Variants in CMIP observed in about 807,000 individuals in gnomAD.
The protein encoded by CMIP is c-Maf inducing protein, also known as C-Maf-inducing protein.
In CMIP, 13 loss-of-function variants were observed where a neutral mutation model predicts 97.3. The observed-to-expected ratio is 0.13, with a 90% confidence interval of 0.09 to 0.21. CMIP has a LOEUF of 0.21. CMIP is among the 10% of genes least tolerant of loss of function. The probability of loss-of-function intolerance (pLI) is 1.00; values close to 1 mark genes in which losing one functional copy is unlikely to be tolerated. For synonymous variants in CMIP, 538 were observed against 436.3 expected (o/e 1.23, Z -2.91); for missense variants, 847 against 1,024.9 (o/e 0.83, Z 2.37).
intron 1 of CMIP, among the ~76,000 whole-genome samples, chr16:81,599,084 G>C (rs1221886637): frequency 6.6e-6 from 1 of 151,998 alleles, no homozygotes; most frequent in Non-Finnish European, 1.5e-5. Context: ...AGAATGGTTG[G>C]AGAAACCATA....
intron 1 of CMIP, among the ~76,000 whole-genome samples, chr16:81,530,020 G>T (rs1315610948): frequency 6.6e-6 from 1 of 152,208 alleles, no homozygotes; most frequent in Admixed American, 6.5e-5. Flanking sequence ...ACAGTGAGAG[G>T]ATAGGGTTTT....
rs1441975515 is a variant in CMIP, at chr16:81,629,077, A to G, written c.477+8151A>G. ...CTTGAACCCGGGAGGCGGAGGTTGCAGTGAGCCGAGATGGTGCCACTATAC... is the reference window on the plus strand; with the variant it reads ...CTTGAACCCGGGAGGCGGAGGTTGCGGTGAGCCGAGATGGTGCCACTATAC... On this transcript the variant is annotated intron_variant, in intron 3 of 20. Coordinates refer to ENST00000537098, the MANE Select transcript of CMIP (RefSeq NM_198390.3). 3.0e-5 allele frequency among the ~76,000 whole-genome samples: 4 copies of G among 131,184 alleles called. No individual in the cohort carries two copies. In the Admixed American group the frequency reaches 3.7e-4, roughly 12 times the overall value. 86.1% of individuals were successfully genotyped at this position (131,184 alleles called of 152,430 possible). A position where few individuals can be genotyped will look rare whatever the true frequency, so the allele number is the denominator to read the frequency against.
intron 1 of CMIP, among the ~76,000 whole-genome samples, chr16:81,601,966 G>A (rs2091665568): frequency 6.6e-6 from 1 of 152,178 alleles, no homozygotes; most frequent in Non-Finnish European, 1.5e-5. Flanking sequence ...AGAGCAATTT[G>A]GCAACAACGT....
chr16:81,577,510 AC>A (rs907834022), intron 1 of CMIP, among the ~76,000 whole-genome samples: 27 of 147,800 alleles, frequency 1.8e-4, no homozygotes, highest in Non-Finnish European at 2.5e-4. Flanking sequence ...CATCACCATC[AC>A]CTTCATCACC....
chr16:81,607,055 A>G (rs1211925123), intron 1 of CMIP: 1 of 155,876 alleles, frequency 6.4e-6, no homozygotes, highest in Non-Finnish European at 1.4e-5. Context: ...GGGAGTGTGG[A>G]TTTTGTGGCC....
Position 81,569,332 on chromosome 16 carries a change from C to T in CMIP, c.301-38235C>T, listed in dbSNP as rs188911993. The stretch of plus-strand genomic sequence containing the variant: ...GAGGCGCAGAATGATGAAATGACTT[C>T]GGCGAGGTACCCCAGTAGGTAATGG... On this transcript the variant is annotated intron_variant, in intron 1 of 20. Transcript: ENST00000537098. Among the ~76,000 whole-genome samples the T allele has an allele frequency of 4.5e-3, 689 of 152,320 alleles. 4 individuals carry two copies. Among genetic ancestry groups the T allele is most frequent in the South Asian group, 0.04 (193 of 4,826 alleles).
At chr16:81,587,969 C>G (rs565911815) in intron 1 of CMIP, among the ~76,000 whole-genome samples, 1 of 152,284 alleles carries the variant, frequency 6.6e-6, no homozygotes, top group South Asian at 2.1e-4. Flanking sequence ...AGCGCTGAGG[C>G]AGGAACGGTC....
rs1433892692 is a variant in CMIP at position 81,551,022 on chromosome 16, ATCACACGCACCCCAGTCCCG to A, written c.301-56488_301-56469del. Among the ~76,000 whole-genome samples, 201 of 71,712 alleles carry A rather than the reference ATCACACGCACCCCAGTCCCG, an allele frequency of 2.8e-3. 1 individual carries two copies. Among genetic ancestry groups the A allele is most frequent in the East Asian group, 5.5e-3 (13 of 2,382 alleles). The allele number at this position is 71,712 out of a possible 152,430, so 47.0% of individuals were successfully genotyped here. ...AGTCCCGTCACACGCACCCCAGTTC[ATCACACGCACCCCAGTCCCG>A]TCACACGCACCCCAGTCCCGTCACA... On this transcript the variant is annotated intron_variant, in intron 1 of 20. Coordinates refer to ENST00000537098, the MANE Select transcript of CMIP (RefSeq NM_198390.3).
intron 3 of CMIP, among the ~76,000 whole-genome samples, chr16:81,628,596 C>T (rs2092106461): frequency 6.6e-6 from 1 of 152,212 alleles, no homozygotes; most frequent in South Asian, 2.1e-4. Context: ...GGGATTTGAA[C>T]AGAAGTCTGA....
intron 1 of CMIP, among the ~76,000 whole-genome samples, chr16:81,513,878 A>G (rs983574143): frequency 2.0e-5 from 3 of 152,126 alleles, no homozygotes; most frequent in African/African-American, 7.2e-5. Context: ...TCTTTGCCCA[A>G]ACCATATTTG....
chr16:81,544,640 G>T (rs892291934), intron 1 of CMIP, among the ~76,000 whole-genome samples: 6 of 151,826 alleles, frequency 4.0e-5, no homozygotes, highest in Non-Finnish European at 7.4e-5. Context: ...ATGTGTGTGT[G>T]CCTGTGTGTG....
intron 3 of CMIP, among the ~76,000 whole-genome samples, chr16:81,645,199 C>T (rs570413230): frequency 2.0e-5 from 3 of 152,330 alleles, no homozygotes; most frequent in South Asian, 4.1e-4. Flanking sequence ...TAGGCAGCTC[C>T]GCTGTAGGAC....
intron 1 of CMIP, among the ~76,000 whole-genome samples, chr16:81,599,651 G>A (rs2150930872): frequency 6.6e-6 from 1 of 152,264 alleles, no homozygotes; most frequent in Admixed American, 6.5e-5. Flanking sequence ...GAGGAATTTG[G>A]CATAACAGAG....
intron 4 of CMIP, among the ~76,000 whole-genome samples, chr16:81,653,294 C>T (rs1483234553): frequency 1.3e-5 from 2 of 152,174 alleles, no homozygotes; most frequent in Non-Finnish European, 2.9e-5. Flanking sequence ...TGCCTGGCTG[C>T]CTGGAGCCCT....
At position 81,598,566 on chromosome 16, in the gene CMIP, A is replaced by T. The variant is rs1015612730; in HGVS notation, c.301-9001A>T. Reference sequence around the variant, plus strand: ...TAAGATCAAATAAAACACAAGAGGGATGTATTTTTCTCCCATGAGATTTTC... The same window carrying T: ...TAAGATCAAATAAAACACAAGAGGGTTGTATTTTTCTCCCATGAGATTTTC... On this transcript the variant is annotated intron_variant, in intron 1 of 20. Transcript: ENST00000537098. Among the ~76,000 whole-genome samples the T allele has an allele frequency of 6.6e-5, 10 of 152,264 alleles. No individual in the cohort carries two copies. In the South Asian group the frequency reaches 8.3e-4, roughly 13 times the overall value.
intron 10 of CMIP, among the ~76,000 whole-genome samples, chr16:81,683,469 A>C (rs1328170371): frequency 1.3e-5 from 2 of 152,198 alleles, no homozygotes. Context: ...CGCTCACTGC[A>C]ACCTCTGCCC....
At chr16:81,551,817 T>C (rs988428939) in intron 1 of CMIP, among the ~76,000 whole-genome samples, 1 of 152,150 alleles carries the variant, frequency 6.6e-6, no homozygotes, top group African/African-American at 2.4e-5. Context: ...CCTGGATGCA[T>C]GTGGGTGACA....
At chr16:81,678,652 GC>G in intron 10 of CMIP, 24 bp downstream of exon 10, 9 of 1,157,122 alleles carry the variant, frequency 7.8e-6, no homozygotes, top group Middle Eastern at 2.4e-4. Flanking sequence ...CCGCGTGCCC[GC>G]CCCCGGGGCC....
chr16:81,646,976 CAG>C (rs1283027578), intron 3 of CMIP, among the ~76,000 whole-genome samples: 1 of 152,174 alleles, frequency 6.6e-6, no homozygotes, highest in Non-Finnish European at 1.5e-5. Context: ...TTTCTAGGAA[CAG>C]AATTGCTGGG....
Sources: allele counts gnomAD v4.1 joint callset (sites outside exome capture counted in the v4.1 genomes callset), GRCh38; gene constraint gnomAD v4.1.1; transcripts MANE v1.5; gene names NCBI Gene and HGNC (gene_info 2026-07-23, HGNC 2026-07-21).